The following KCNH5 variants were observed in gnomAD, a reference collection of about 807,000 sequenced individuals.
The protein encoded by KCNH5 is voltage-gated delayed rectifier potassium channel KCNH5.
In KCNH5, 46 loss-of-function variants were observed where a neutral mutation model predicts 96.1. That is an observed-to-expected ratio of 0.48 (90% CI 0.38 to 0.61). The LOEUF (loss-of-function observed/expected upper bound fraction) is 0.61. Among genes scored for constraint, KCNH5 ranks in the 20% least tolerant of loss-of-function variants. The pLI is 0.00. For synonymous variants in KCNH5, 439 were observed against 449.8 expected, an observed-to-expected ratio of 0.98 and a Z score of 0.30; for missense variants, 907 against 1,225.8, an observed-to-expected ratio of 0.74 and a Z score of 3.88.
chr14:62,808,195 G>A (rs139099642), intron 8 of KCNH5, among the ~76,000 whole-genome samples: 1 of 152,112 alleles, frequency 6.6e-6, no homozygotes, highest in Admixed American at 6.6e-5. Context: ...TGGACTTTTG[G>A]TAAAAGATTC....
At chr14:62,874,607 T>C (rs535521045) in intron 7 of KCNH5, among the ~76,000 whole-genome samples, 35 of 151,906 alleles carry the variant, frequency 2.3e-4, no homozygotes, top group African/African-American at 8.5e-4. Context: ...ATTATCTCAA[T>C]AGATGCAGAA....
intron 8 of KCNH5, among the ~76,000 whole-genome samples, chr14:62,821,932 T>C (rs755920392): frequency 5.9e-5 from 9 of 152,128 alleles, no homozygotes; most frequent in Non-Finnish European, 1.3e-4. Context: ...GGAAAAACCA[T>C]AGACCACAGC....
At chr14:62,763,089 C>T (rs1057493833) in intron 10 of KCNH5, among the ~76,000 whole-genome samples, 2 of 152,130 alleles carry the variant, frequency 1.3e-5, no homozygotes, top group Non-Finnish European at 2.9e-5. Flanking sequence ...ATAGAATATA[C>T]AATTCTCCTC....
chr14:62,715,852 G>A (rs1428545781), intron 10 of KCNH5, among the ~76,000 whole-genome samples: 1 of 152,130 alleles, frequency 6.6e-6, no homozygotes, highest in African/African-American at 2.4e-5. Flanking sequence ...GGGACTGAGG[G>A]AGGGAGGAAA....
chr14:62,733,254 C>A (rs746871275), intron 10 of KCNH5, among the ~76,000 whole-genome samples: 7 of 152,076 alleles, frequency 4.6e-5, no homozygotes, highest in Non-Finnish European at 1.0e-4. Context: ...AAACCCTAAT[C>A]CTCACTGTGA....
intron 10 of KCNH5, among the ~76,000 whole-genome samples, chr14:62,722,484 A>T (rs576909564): frequency 3.9e-4 from 59 of 152,296 alleles, no homozygotes; most frequent in Middle Eastern, 3.4e-3. Flanking sequence ...ACCAAGGTTC[A>T]TTGGACTTAA....
chr14:62,745,463 C>A (rs1885356912), intron 10 of KCNH5, among the ~76,000 whole-genome samples: 1 of 152,178 alleles, frequency 6.6e-6, no homozygotes, highest in Admixed American at 6.5e-5. Flanking sequence ...TTCAAAAACA[C>A]TAAATTTATC....
intron 8 of KCNH5, among the ~76,000 whole-genome samples, chr14:62,824,559 C>T (rs1312491304): frequency 6.6e-6 from 1 of 151,872 alleles, no homozygotes; most frequent in Non-Finnish European, 1.5e-5. Context: ...TTAAAAAGAA[C>T]ATGCTTAATT....
In KCNH5 at chr14:62,705,401, T is replaced by G. The variant is rs934655025; in HGVS notation, c.*2107A>C. 3.3e-5 allele frequency: 5 copies of G among 151,968 alleles called. No individual in the cohort carries two copies. The highest frequency in any genetic ancestry group is 1.2e-4 in the African/African-American group (5 of 41,436). 9.4% of individuals were successfully genotyped at this position (151,968 alleles called of 1,614,324 possible). A position where few individuals can be genotyped will look rare whatever the true frequency, so the allele number is the denominator to read the frequency against. On this transcript the variant is annotated 3_prime_UTR_variant, in exon 11 of 11. Coordinates refer to ENST00000322893, the MANE Select transcript of KCNH5 (RefSeq NM_139318.5). ...GACTTAAACAAATAGAAAAATACCCTGAAATTCAATAAATGTCAGAGGTCA... is the reference window on the plus strand; with the variant it reads ...GACTTAAACAAATAGAAAAATACCCGGAAATTCAATAAATGTCAGAGGTCA...
In KCNH5 at chr14:62,982,175, A is replaced by T. The variant is rs149141280; in HGVS notation, c.550-911T>A. 1.3e-3 allele frequency among the ~76,000 whole-genome samples: 196 copies of T among 152,292 alleles called. 5 individuals are homozygous for T. The highest frequency in any genetic ancestry group is 4.3e-3 in the Admixed American group (66 of 15,292). On this transcript the variant is annotated intron_variant, in intron 5 of 10. Coordinates refer to ENST00000322893, the MANE Select transcript of KCNH5 (RefSeq NM_139318.5). ...GAAACGCTGTCTCTACTAAAAATAC[A>T]AATATTAGATGGGCGTGGTGGTGCG...
chr14:62,851,490 G>T (rs8020359), intron 7 of KCNH5, among the ~76,000 whole-genome samples: 80,984 of 134,500 alleles, frequency 0.6, 24,446 homozygotes, highest in African/African-American at 0.79. Context: ...AGATATAGAG[G>T]TCTTTCCTAA....
At chr14:62,953,762 T>C (rs1294142821) in intron 6 of KCNH5, among the ~76,000 whole-genome samples, 1 of 152,128 alleles carries the variant, frequency 6.6e-6, no homozygotes. Flanking sequence ...CATAGACATG[T>C]TTGGTCATGA....
rs143344502 is a variant in KCNH5, at chr14:62,705,368, C to T, written c.*2140G>A. On this transcript the variant is annotated 3_prime_UTR_variant, in exon 11 of 11. Transcript: ENST00000322893. The stretch of plus-strand genomic sequence containing the variant: ...ACACATTCACCTTTAAAAGCTTAAG[C>T]CAAACTTGACTTAAACAAATAGAAA... 2.0e-4 allele frequency: 30 copies of T among 152,006 alleles called. No homozygotes were observed. The East Asian group carries it at 5.0e-3, about 25-fold the overall frequency. 9.4% of individuals were successfully genotyped at this position (152,006 alleles called of 1,614,324 possible). A position where few individuals can be genotyped will look rare whatever the true frequency, so the allele number is the denominator to read the frequency against.
intron 7 of KCNH5, among the ~76,000 whole-genome samples, chr14:62,889,817 G>T (rs775791185): frequency 2.0e-5 from 3 of 152,210 alleles, no homozygotes; most frequent in Non-Finnish European, 2.9e-5. Flanking sequence ...CTACATAGGA[G>T]AGAAGCTAAT....
intron 10 of KCNH5, among the ~76,000 whole-genome samples, chr14:62,743,015 T>A (rs1345130035): frequency 6.6e-6 from 1 of 152,152 alleles, no homozygotes; most frequent in Non-Finnish European, 1.5e-5. Context: ...CCAGTTTTGG[T>A]CCCTCTCTAT....
chr14:62,890,613 G>T (rs1888689734), intron 7 of KCNH5, among the ~76,000 whole-genome samples: 2 of 150,772 alleles, frequency 1.3e-5, no homozygotes, highest in African/African-American at 2.4e-5. Context: ...TCAGGAGAAT[G>T]GCGTGAACCC....
intron 7 of KCNH5, among the ~76,000 whole-genome samples, chr14:62,858,923 G>A (rs1034389170): frequency 1.3e-5 from 2 of 152,168 alleles, no homozygotes; most frequent in African/African-American, 2.4e-5. Context: ...GCCTCAGGAC[G>A]ATGGGGAACA....
intron 10 of KCNH5, among the ~76,000 whole-genome samples, chr14:62,759,277 T>C (rs1032710779): frequency 1.3e-5 from 2 of 152,178 alleles, no homozygotes; most frequent in African/African-American, 2.4e-5. Flanking sequence ...GAGGATTGAA[T>C]AGTCCCACTG....
chr14:63,029,798 T>C (rs1281112218), intron 1 of KCNH5, among the ~76,000 whole-genome samples: 3 of 152,072 alleles, frequency 2.0e-5, no homozygotes, highest in East Asian at 1.9e-4. Flanking sequence ...GAAATATTCA[T>C]ATAACTGTTG....
Sources: gnomAD v4.1 joint callset for allele counts (sites outside exome capture counted in the v4.1 genomes callset) on GRCh38, gnomAD v4.1.1 for gene constraint, MANE v1.5 for transcripts, NCBI Gene and HGNC (gene_info 2026-07-23, HGNC 2026-07-21) for gene names.